The following ZNF100 variants were observed in gnomAD, a reference collection of about 807,000 sequenced individuals.
The protein encoded by ZNF100 is zinc finger protein 100 (Y1).
In ZNF100, 12 loss-of-function variants were observed where a neutral mutation model predicts 15.8. That is an observed-to-expected ratio of 0.76 (90% confidence interval 0.49 to 1.23). The LOEUF is 1.23. ZNF100 is among the 50% of genes most tolerant of loss of function. The probability of loss-of-function intolerance (pLI) is 0.00; values close to 1 mark genes in which losing one functional copy is unlikely to be tolerated. For missense variants in ZNF100, 670 were observed against 635.6 expected (o/e 1.05, Z -0.58); for synonymous variants, 226 against 214.8 (o/e 1.05, Z -0.45).
At chr19:21,737,698 T>G (rs576295469) in intron 4 of ZNF100, among the ~76,000 whole-genome samples, 199 of 152,160 alleles carry the variant, frequency 1.3e-3, no homozygotes, top group African/African-American at 4.1e-3. Flanking sequence ...AATCCCTGAA[T>G]AGACCAACAA....
chr19:21,730,908 GAAAT>G (rs1301543028), intron 4 of ZNF100, among the ~76,000 whole-genome samples: 4 of 152,078 alleles, frequency 2.6e-5, no homozygotes, highest in African/African-American at 7.2e-5. Context: ...TTCAAAGATA[GAAAT>G]AATAGATATT....
intron 2 of ZNF100, among the ~76,000 whole-genome samples, chr19:21,765,140 A>G (rs1053229050): frequency 2.6e-5 from 4 of 152,220 alleles, no homozygotes; most frequent in Admixed American, 2.6e-4. Context: ...CACCTCTTTC[A>G]TGACCTTTGT....
intron 1 of ZNF100, among the ~76,000 whole-genome samples, chr19:21,766,769 GGAT>G (rs2145754232): frequency 6.6e-6 from 1 of 152,116 alleles, no homozygotes; most frequent in Admixed American, 6.6e-5. Flanking sequence ...CAAGGCGGGC[GGAT>G]CACGAGGTCA....
chr19:21,753,375 A>C (rs776376839), intron 2 of ZNF100: 2 of 152,040 alleles, frequency 1.3e-5, no homozygotes, highest in Non-Finnish European at 2.9e-5. Context: ...GCAGTTCAAG[A>C]CCAGTCTAGT....
At chr19:21,758,077 C>T (rs150778955) in intron 2 of ZNF100, among the ~76,000 whole-genome samples, 20 of 151,894 alleles carry the variant, frequency 1.3e-4, no homozygotes, top group Non-Finnish European at 2.4e-4. Context: ...AAATATGGTA[C>T]ATAAGCAACA....
chr19:21,732,710 A>G (rs1025841256), intron 4 of ZNF100, among the ~76,000 whole-genome samples: 1 of 151,652 alleles, frequency 6.6e-6, no homozygotes, highest in Non-Finnish European at 1.5e-5. Context: ...CAAGTAGATC[A>G]ATATATTCAT....
chr19:21,732,438 A>G (rs945884603), intron 4 of ZNF100, among the ~76,000 whole-genome samples: 4 of 152,074 alleles, frequency 2.6e-5, no homozygotes, highest in African/African-American at 9.7e-5. Flanking sequence ...TGTAGAGGCA[A>G]ACAAACACAG....
At chr19:21,734,038 C>T (rs950515692) in intron 4 of ZNF100, among the ~76,000 whole-genome samples, 1 of 152,124 alleles carries the variant, frequency 6.6e-6, no homozygotes, top group African/African-American at 2.4e-5. Context: ...CAAAAATGTC[C>T]CCACAAAAAC....
intron 2 of ZNF100, among the ~76,000 whole-genome samples, chr19:21,745,381 G>A (rs933533778): frequency 6.6e-6 from 1 of 152,242 alleles, no homozygotes; most frequent in African/African-American, 2.4e-5. Context: ...AATGAGTTGT[G>A]TATATTTTTC....
Position 21,726,913 on chromosome 19 carries a change from T to A in ZNF100, c.1399A>T (p.Asn467Tyr), listed in dbSNP as rs573780535. ...YKCDECGKAF[N>Y]RSSQLTAHKM... is the part of the protein sequence containing the mutation. ...TGTGCAGTTAGTTGTGAGGACCGGT[T>A]AAAGGCTTTGCCACATTCGTCACAT... Residue 467 changes from asparagine to tyrosine, a missense_variant, in exon 5 of 5, where the codon AAC becomes TAC. Asn to Tyr is a moderately radical substitution (Grantham distance 143). Coordinates refer to ENST00000358296, the MANE Select transcript of ZNF100 (RefSeq NM_173531.4). 5.0e-5 allele frequency: 80 copies of A among 1,611,750 alleles called. 2 individuals carry two copies. In the South Asian group the frequency reaches 8.7e-4, roughly 18 times the overall value.
Position 21,767,525 on chromosome 19 carries a change from A to G in ZNF100, c.-96T>C. The stretch of plus-strand genomic sequence containing the variant: ...CAGGCTAGGCCCCTAGGAGCAGAAG[A>G]CACAGAGAAGTGAGAGCAAAACCTG... On this transcript the variant is annotated 5_prime_UTR_variant, in exon 1 of 5. Coordinates refer to ENST00000358296, the MANE Select transcript of ZNF100 (RefSeq NM_173531.4). 6.4e-7 allele frequency: 1 copy of G among 1,565,882 alleles called. No individual in the cohort carries two copies. Among genetic ancestry groups the G allele is most frequent in the South Asian group, 1.1e-5 (1 of 87,162 alleles).
chr19:21,742,739 T>A (rs953794524), intron 4 of ZNF100, among the ~76,000 whole-genome samples: 21 of 152,134 alleles, frequency 1.4e-4, no homozygotes, highest in African/African-American at 5.1e-4. Context: ...AAACACTACA[T>A]TGAAATTTGT....
At chr19:21,766,182 A>G (rs566802988) in intron 1 of ZNF100, among the ~76,000 whole-genome samples, 13 of 152,326 alleles carry the variant, frequency 8.5e-5, no homozygotes, top group Middle Eastern at 3.4e-3. Context: ...AATAGGTGAT[A>G]ATGTGAATTA....
chr19:21,766,632 GCCTCTCCCATA>G (rs2036567538), intron 1 of ZNF100, among the ~76,000 whole-genome samples: 1 of 151,990 alleles, frequency 6.6e-6, no homozygotes, highest in African/African-American at 2.4e-5. Flanking sequence ...TTTCCTTCAA[GCCTCTCCCATA>G]GACAACAAAC....
At chr19:21,736,332 G>T (rs74167879) in intron 4 of ZNF100, among the ~76,000 whole-genome samples, 13,097 of 152,116 alleles carry the variant, frequency 0.086, 721 homozygotes, top group South Asian at 0.18. Context: ...GGATCTGCCT[G>T]CCTTGGCCTC....
intron 4 of ZNF100, among the ~76,000 whole-genome samples, chr19:21,730,342 T>C (rs1191091571): frequency 6.6e-6 from 1 of 152,002 alleles, no homozygotes; most frequent in Admixed American, 6.6e-5. Context: ...AGCTACATCT[T>C]ACGTGAAAAA....
At position 21,766,283 on chromosome 19, in the gene ZNF100, C is replaced by T. The variant is rs146374697; in HGVS notation, c.4-497G>A. ...AGAGTGAGGCTGGAGAAATGGGGGA[C>T]GGGGGTTAGACTTAACAACCTGCTT... On this transcript the variant is annotated intron_variant, in intron 1 of 4. Coordinates refer to ENST00000358296, the MANE Select transcript of ZNF100 (RefSeq NM_173531.4). Among the ~76,000 whole-genome samples the T allele has an allele frequency of 1.0e-3, 152 of 151,960 alleles. 3 individuals carry two copies. In the East Asian group the frequency reaches 0.025, roughly 25 times the overall value.
intron 4 of ZNF100, among the ~76,000 whole-genome samples, chr19:21,735,139 C>T (rs2035985071): frequency 6.6e-6 from 1 of 152,134 alleles, no homozygotes. Context: ...ACAACTACGT[C>T]AACAGGTCTG....
chr19:21,748,907 T>C (rs766329808), intron 2 of ZNF100, among the ~76,000 whole-genome samples: 50 of 152,164 alleles, frequency 3.3e-4, no homozygotes, highest in Admixed American at 6.5e-5. Context: ...GGTTTCTCCA[T>C]GTTGTTCAGG....
Sources: gnomAD v4.1 joint callset for allele counts (sites outside exome capture counted in the v4.1 genomes callset) on GRCh38, gnomAD v4.1.1 for gene constraint, MANE v1.5 for transcripts, NCBI Gene and HGNC (gene_info 2026-07-23, HGNC 2026-07-21) for gene names.